Variants in MGAT4C observed in about 807,000 individuals in gnomAD.
The protein encoded by MGAT4C is alpha-1,3-mannosyl-glycoprotein 4-beta-N-acetylglucosaminyltransferase C.
MGAT4C carries 19 observed loss-of-function variants against 40.1 expected under a neutral mutation model. That is an observed-to-expected ratio of 0.47 (90% CI 0.33 to 0.70). The LOEUF (loss-of-function observed/expected upper bound fraction) is 0.70. Among genes scored for constraint, MGAT4C ranks in the 30% least tolerant of loss-of-function variants. The pLI is 0.02. For synonymous variants in MGAT4C, 181 were observed against 187.1 expected (o/e 0.97, Z 0.27); for missense variants, 491 against 563.2 (o/e 0.87, Z 1.30).
intron 2 of MGAT4C, among the ~76,000 whole-genome samples, chr12:86,023,512 T>C (rs1025209817): frequency 6.6e-6 from 1 of 150,910 alleles, no homozygotes; most frequent in Non-Finnish European, 1.5e-5. Flanking sequence ...TATTAAGTAC[T>C]ATTTAAGACT....
intron 2 of MGAT4C, among the ~76,000 whole-genome samples, chr12:86,474,794 C>T (rs887978971): frequency 2.0e-5 from 3 of 151,934 alleles, no homozygotes; most frequent in Non-Finnish European, 2.9e-5. Flanking sequence ...CATGTTTTTA[C>T]CCTATCTCTT....
At position 85,960,039 on chromosome 12, in the gene MGAT4C, A is replaced by C. The variant is rs1327790274; in HGVS notation, c.*19250T>G. 2 of 151,964 alleles carry C rather than the reference A, an allele frequency of 1.3e-5. No homozygotes were observed. The highest frequency in any genetic ancestry group is 4.8e-5 in the African/African-American group (2 of 41,420). The allele number at this position is 151,964 out of a possible 1,614,324, so 9.4% of individuals were successfully genotyped here. A position where few individuals can be genotyped will look rare whatever the true frequency, so the allele number is the denominator to read the frequency against. On this transcript the variant is annotated 3_prime_UTR_variant, in exon 5 of 5. Coordinates refer to ENST00000611864, the MANE Select transcript of MGAT4C (RefSeq NM_001351288.2). ...CTATATAAAATGCAATTCGGTATTA[A>C]AGAAAATTGTTGCACGGACTACATT...
intron 1 of MGAT4C, among the ~76,000 whole-genome samples, chr12:86,054,446 T>C (rs1477396051): frequency 1.3e-5 from 2 of 151,984 alleles, no homozygotes; most frequent in Non-Finnish European, 2.9e-5. Context: ...GATAGAAAGA[T>C]GTTCTTTGAA....
intron 3 of MGAT4C, among the ~76,000 whole-genome samples, chr12:86,356,485 G>A (rs1198408871): frequency 6.6e-6 from 1 of 152,104 alleles, no homozygotes; most frequent in Non-Finnish European, 1.5e-5. Context: ...TGGACACTGG[G>A]TGCAGCGCAC....
intron 3 of MGAT4C, among the ~76,000 whole-genome samples, chr12:86,348,384 T>C (rs1398585314): frequency 6.6e-6 from 1 of 152,184 alleles, no homozygotes; most frequent in Non-Finnish European, 1.5e-5. Context: ...CTAGCTGTTT[T>C]CTAGGCCTGT....
intron 2 of MGAT4C, among the ~76,000 whole-genome samples, chr12:86,036,244 A>G (rs1481345079): frequency 2.7e-5 from 4 of 149,936 alleles, no homozygotes; most frequent in African/African-American, 7.3e-5. Flanking sequence ...TAAATATACA[A>G]TCATGTCATC....
At chr12:86,833,842 C>A (rs1952979884) in intron 1 of MGAT4C, among the ~76,000 whole-genome samples, 1 of 151,736 alleles carries the variant, frequency 6.6e-6, no homozygotes, top group Admixed American at 6.6e-5. Context: ...GACAAGGGAA[C>A]CAGTAGTTTC....
intron 1 of MGAT4C, among the ~76,000 whole-genome samples, chr12:86,234,163 A>G (rs1349828308): frequency 6.6e-6 from 1 of 152,142 alleles, no homozygotes; most frequent in Non-Finnish European, 1.5e-5. Flanking sequence ...AGTTTTTTGT[A>G]AAAAACATGT....
intron 1 of MGAT4C, among the ~76,000 whole-genome samples, chr12:86,764,380 C>A (rs1318921199): frequency 2.0e-5 from 3 of 152,140 alleles, no homozygotes; most frequent in Non-Finnish European, 4.4e-5. Context: ...CTGGGTGGAG[C>A]CCACCACAGC....
intron 1 of MGAT4C, among the ~76,000 whole-genome samples, chr12:86,758,946 A>T (rs1951352661): frequency 6.6e-6 from 1 of 151,936 alleles, no homozygotes; most frequent in Admixed American, 6.6e-5. Context: ...ATTACTGTTA[A>T]CTCTACTCAT....
At chr12:86,730,359 A>C (rs1950888300) in intron 1 of MGAT4C, among the ~76,000 whole-genome samples, 1 of 150,138 alleles carries the variant, frequency 6.7e-6, no homozygotes, top group East Asian at 2.0e-4. Context: ...AAAAGTAAAC[A>C]CAGGAATAAA....
intron 1 of MGAT4C, among the ~76,000 whole-genome samples, chr12:86,111,850 C>G (rs1480969173): frequency 6.6e-6 from 1 of 151,860 alleles, no homozygotes; most frequent in African/African-American, 2.4e-5. Context: ...TGCAAAATAT[C>G]TTTTCGATCT....
At chr12:86,707,532 T>C (rs1050049773) in intron 2 of MGAT4C, among the ~76,000 whole-genome samples, 21 of 151,148 alleles carry the variant, frequency 1.4e-4, no homozygotes, top group Non-Finnish European at 2.8e-4. Context: ...TCTTTTCTTT[T>C]TTTTTTTTTT....
intron 1 of MGAT4C, among the ~76,000 whole-genome samples, chr12:86,138,216 T>C (rs1179918791): frequency 6.6e-6 from 1 of 151,816 alleles, no homozygotes; most frequent in African/African-American, 2.4e-5. Context: ...AATTCCTGAG[T>C]TCCTCAGCAC....
At chr12:86,204,382 A>G (rs1950175889) in intron 1 of MGAT4C, among the ~76,000 whole-genome samples, 1 of 152,158 alleles carries the variant, frequency 6.6e-6, no homozygotes, top group South Asian at 2.1e-4. Context: ...ATAAAAGCAA[A>G]GTAGAATTAA....
chr12:86,060,546 A>T (rs1893849138), intron 1 of MGAT4C, among the ~76,000 whole-genome samples: 1 of 152,196 alleles, frequency 6.6e-6, no homozygotes. Flanking sequence ...TTAATCAATA[A>T]TATTTAATTA....
At chr12:86,338,909 A>T (rs1954844197) in intron 3 of MGAT4C, among the ~76,000 whole-genome samples, 1 of 134,176 alleles carries the variant, frequency 7.5e-6, no homozygotes, top group South Asian at 2.6e-4. Context: ...CAGTGAGCTG[A>T]GATAGTGCCA....
intron 3 of MGAT4C, among the ~76,000 whole-genome samples, chr12:86,410,347 C>T (rs893931375): frequency 2.0e-5 from 3 of 151,948 alleles, no homozygotes; most frequent in African/African-American, 7.3e-5. Flanking sequence ...ATTTATAGAC[C>T]ACCCCCTAGG....
intron 3 of MGAT4C, among the ~76,000 whole-genome samples, chr12:86,383,997 C>A (rs185853997): frequency 6.6e-6 from 1 of 152,044 alleles, no homozygotes; most frequent in Admixed American, 6.6e-5. Flanking sequence ...AGGTCTTTCC[C>A]ATGCTGTTCT....
Sources: allele counts gnomAD v4.1 joint callset (sites outside exome capture counted in the v4.1 genomes callset), GRCh38; gene constraint gnomAD v4.1.1; transcripts MANE v1.5; gene names NCBI Gene and HGNC (gene_info 2026-07-23, HGNC 2026-07-21).